Variants in DCC observed in about 807,000 individuals in gnomAD.
DCC encodes the protein DCC netrin 1 receptor, also known as netrin receptor DCC.
In DCC, 58 loss-of-function variants were observed where a neutral mutation model predicts 172.5. The observed-to-expected ratio is 0.34, with a 90% CI of 0.27 to 0.42. DCC has a LOEUF of 0.42. Among genes scored for constraint, DCC ranks in the 10% least tolerant of loss-of-function variants. DCC has a pLI of 1.00. For synonymous variants in DCC, 709 were observed against 644.5 expected, an observed-to-expected ratio of 1.10 and a Z score of -1.52; for missense variants, 1,740 against 1,791.0, an observed-to-expected ratio of 0.97 and a Z score of 0.51.
rs568829810 is a variant in DCC, at chr18:53,110,684, C to CA, written c.1261+44522dup. Among the ~76,000 whole-genome samples, 1,266 of 145,902 alleles carry CA rather than the reference C, an allele frequency of 8.7e-3. 22 individuals are homozygous for CA. Among genetic ancestry groups the CA allele is most frequent in the African/African-American group, 0.03 (1,193 of 39,214 alleles). On this transcript the variant is annotated intron_variant, in intron 7 of 28. Coordinates refer to ENST00000442544, the MANE Select transcript of DCC (RefSeq NM_005215.4). ...CACTGGCCATCAGAGAAATGCAAAT[C>CA]AAAACCACAATGAGATACCATCTCA...
At chr18:53,070,644 A>G (rs1267539437) in intron 7 of DCC, among the ~76,000 whole-genome samples, 1 of 152,182 alleles carries the variant, frequency 6.6e-6, no homozygotes, top group Admixed American at 6.5e-5. Flanking sequence ...GAAAATCTTG[A>G]AAATTCATTT....
chr18:53,178,069 C>T (rs565188190), intron 8 of DCC, among the ~76,000 whole-genome samples: 1 of 152,010 alleles, frequency 6.6e-6, no homozygotes, highest in Non-Finnish European at 1.5e-5. Context: ...CCTTGAGAAA[C>T]AATTGAGAAT....
chr18:53,173,378 A>G (rs1170990749), intron 8 of DCC, among the ~76,000 whole-genome samples: 2 of 152,146 alleles, frequency 1.3e-5, no homozygotes, highest in African/African-American at 4.8e-5. Flanking sequence ...TTGTGGTAAA[A>G]CATATCTTTC....
intron 7 of DCC, among the ~76,000 whole-genome samples, chr18:53,156,095 C>T (rs147136566): frequency 2.6e-5 from 4 of 152,260 alleles, no homozygotes; most frequent in East Asian, 1.9e-4. Context: ...TCCAAATTAG[C>T]GCTTTATTAA....
rs1053434483 is a variant in DCC at position 53,215,628 on chromosome 18, A to G, written c.1911+31A>G. ...TTGGCTAAATGTTCACTACTCCATT[A>G]CCTATCAAGATTACCTATCATGTAT... On this transcript the variant is annotated intron_variant, in intron 12 of 28. Coordinates refer to ENST00000442544, the MANE Select transcript of DCC (RefSeq NM_005215.4). The G allele has an allele frequency of 3.2e-6, 5 of 1,562,594 alleles. No homozygotes were observed. The Middle Eastern group carries it at 5.0e-4, about 156-fold the overall frequency.
intron 2 of DCC, among the ~76,000 whole-genome samples, chr18:52,870,039 A>G (rs2145380287): frequency 6.6e-6 from 1 of 151,802 alleles, no homozygotes; most frequent in South Asian, 2.1e-4. Context: ...TCCAAGCCCG[A>G]CCACACTGTT....
At chr18:52,743,427 C>T (rs1288754754) in intron 1 of DCC, among the ~76,000 whole-genome samples, 2 of 152,108 alleles carry the variant, frequency 1.3e-5, no homozygotes. Flanking sequence ...GGCATGATAA[C>T]CTACATGTCC....
At chr18:52,710,411 T>C (rs1212399533) in intron 1 of DCC, among the ~76,000 whole-genome samples, 1 of 152,180 alleles carries the variant, frequency 6.6e-6, no homozygotes, top group African/African-American at 2.4e-5. Context: ...ATGAATGATG[T>C]AATGTGATAG....
intron 1 of DCC, among the ~76,000 whole-genome samples, chr18:52,539,045 C>G (rs2032365394): frequency 6.6e-6 from 1 of 152,102 alleles, no homozygotes; most frequent in South Asian, 2.1e-4. Flanking sequence ...AGTCTGGTTG[C>G]AGTGATTACA....
chr18:53,490,066 G>C (rs2045943927), intron 26 of DCC, among the ~76,000 whole-genome samples: 1 of 152,100 alleles, frequency 6.6e-6, no homozygotes, highest in Non-Finnish European at 1.5e-5. Context: ...TTTTAGTTCT[G>C]ACATTGTCTT....
At chr18:53,340,628 GTTCATA>G (rs1333509021) in intron 15 of DCC, among the ~76,000 whole-genome samples, 3 of 152,090 alleles carry the variant, frequency 2.0e-5, no homozygotes, top group Admixed American at 6.6e-5. Flanking sequence ...GTGTAAAAGT[GTTCATA>G]TTCATTTTAG....
chr18:52,456,069 G>GT (rs1988448673), intron 1 of DCC, among the ~76,000 whole-genome samples: 1 of 152,120 alleles, frequency 6.6e-6, no homozygotes, highest in African/African-American at 2.4e-5. Flanking sequence ...GTGCTGCATC[G>GT]TATCAAGGTA....
intron 12 of DCC, among the ~76,000 whole-genome samples, chr18:53,237,816 C>T (rs538178012): frequency 1.3e-5 from 2 of 152,042 alleles, no homozygotes; most frequent in African/African-American, 4.8e-5. Context: ...TCTGACAAAC[C>T]GAGCTGCTGG....
intron 1 of DCC, among the ~76,000 whole-genome samples, chr18:52,693,749 A>T (rs556578658): frequency 1.1e-4 from 16 of 152,078 alleles, no homozygotes; most frequent in Non-Finnish European, 2.1e-4. Context: ...TGCCAAAGGT[A>T]CCCTGGAGAC....
At chr18:53,267,159 GAGAGAGACAGAGAC>G (rs1209745354) in intron 12 of DCC, among the ~76,000 whole-genome samples, 13 of 151,726 alleles carry the variant, frequency 8.6e-5, no homozygotes, top group African/African-American at 3.1e-4. Flanking sequence ...TAGAGAGAGA[GAGAGAGACAGAGAC>G]AGAGAGACAG....
intron 1 of DCC, among the ~76,000 whole-genome samples, chr18:52,361,731 C>T (rs1359117928): frequency 1.3e-5 from 2 of 152,200 alleles, no homozygotes; most frequent in African/African-American, 4.8e-5. Flanking sequence ...CAGGTGATGG[C>T]TATGCAAGTC....
At chr18:52,553,213 A>C (rs1282971213) in intron 1 of DCC, among the ~76,000 whole-genome samples, 4 of 150,532 alleles carry the variant, frequency 2.7e-5, no homozygotes, top group Middle Eastern at 3.2e-3. Flanking sequence ...TACTTATACA[A>C]ACATATATAC....
At chr18:53,499,580 T>A in intron 27 of DCC, 70 bp downstream of exon 27, 1 of 1,304,010 alleles carries the variant, frequency 7.7e-7, no homozygotes, top group South Asian at 1.2e-5. Context: ...TGCATGAGGG[T>A]GCTTGAGAAG....
At chr18:52,943,508 A>G (rs1402362225) in intron 5 of DCC, among the ~76,000 whole-genome samples, 2 of 152,192 alleles carry the variant, frequency 1.3e-5, no homozygotes, top group African/African-American at 4.8e-5. Flanking sequence ...TACAAACAGT[A>G]AAAATGTTTT....
Sources: allele counts gnomAD v4.1 joint callset (sites outside exome capture counted in the v4.1 genomes callset), GRCh38; gene constraint gnomAD v4.1.1; transcripts MANE v1.5; gene names NCBI Gene and HGNC (gene_info 2026-07-23, HGNC 2026-07-21).